ADGRV1: variants seen among roughly 807,000 people sequenced by gnomAD.
The protein encoded by ADGRV1 is G-protein coupled receptor 98.
Under a neutral mutation model 596.2 loss-of-function variants are expected in ADGRV1, and 359 were observed. That is an observed-to-expected ratio of 0.60 (90% CI 0.55 to 0.66). The LOEUF (loss-of-function observed/expected upper bound fraction) is 0.66, where lower values mean the gene tolerates loss of function less well. ADGRV1 is among the 30% of genes least tolerant of loss of function. The probability of loss-of-function intolerance (pLI) is 0.00; values close to 1 mark genes in which losing one functional copy is unlikely to be tolerated. For missense variants in ADGRV1, 7,274 were observed against 7,575.6 expected, an observed-to-expected ratio of 0.96 and a Z score of 1.48; for synonymous variants, 2,681 against 2,679.2, an observed-to-expected ratio of 1.00 and a Z score of -0.02.
intron 86 of ADGRV1, among the ~76,000 whole-genome samples, chr5:91,101,813 G>C (rs983547622): frequency 1.3e-5 from 2 of 151,826 alleles, no homozygotes; most frequent in Admixed American, 1.3e-4. Flanking sequence ...ACGCACACAC[G>C]CACGATGTTA....
chr5:90,706,189 A>G (rs755528346), intron 37 of ADGRV1, 42 bp from the exon 38 acceptor site: 2 of 1,561,450 alleles, frequency 1.3e-6, no homozygotes, highest in South Asian at 2.4e-5. Flanking sequence ...TATTGTAAAC[A>G]TTTAGATAAT....
chr5:90,773,308 G>A (rs114516413), intron 59 of ADGRV1, among the ~76,000 whole-genome samples: 7 of 152,030 alleles, frequency 4.6e-5, no homozygotes, highest in East Asian at 1.9e-4. Context: ...AAGGGAGATC[G>A]AAATGGGCTA....
chr5:90,591,402 A>T lies in ADGRV1; in HGVS notation c.23-23433A>T, dbSNP rs188539309. On this transcript the variant is annotated intron_variant, in intron 1 of 89. Coordinates refer to ENST00000405460, the MANE Select transcript of ADGRV1 (RefSeq NM_032119.4). Reference sequence around the variant, plus strand: ...CACAGCAAGACTCTGTCTCAAAAAAAATATATATATATATTCATATTTTTC... The same window carrying T: ...CACAGCAAGACTCTGTCTCAAAAAATATATATATATATATTCATATTTTTC... Among the ~76,000 whole-genome samples the T allele has an allele frequency of 1.4e-3, 205 of 151,758 alleles. 2 individuals are homozygous for T. The highest frequency in any genetic ancestry group is 9.0e-3 in the South Asian group (43 of 4,788).
rs557293259 is a variant in ADGRV1 at position 91,105,923 on chromosome 5, A to G, written c.18432+3583A>G. The stretch of plus-strand genomic sequence containing the variant: ...TTTAGATTTTTATAATTTTATAAAT[A>G]GATTCTTATTATATTTATAAACCTT... On this transcript the variant is annotated intron_variant, in intron 87 of 89. Coordinates refer to ENST00000405460, the MANE Select transcript of ADGRV1 (RefSeq NM_032119.4). Among the ~76,000 whole-genome samples, 11 of 151,104 alleles carry G rather than the reference A, an allele frequency of 7.3e-5. No homozygotes were observed. The East Asian group carries it at 1.9e-3, about 27-fold the overall frequency.
At chr5:90,728,601 T>G in intron 48 of ADGRV1, 68 bp from the exon 49 acceptor site, 3 of 1,246,370 alleles carry the variant, frequency 2.4e-6, no homozygotes, top group Non-Finnish European at 3.4e-6. Flanking sequence ...ACATATGGTA[T>G]TGATTACATT....
intron 40 of ADGRV1, 21 bp downstream of exon 40, chr5:90,711,080 G>T (rs2149716006): frequency 6.3e-7 from 1 of 1,591,002 alleles, no homozygotes. Flanking sequence ...GGCTGCATGA[G>T]AGCCCTCTTC....
Position 90,703,751 on chromosome 5 carries a change from G to C in ADGRV1, c.8242G>C (p.Glu2748Gln). 1 of 1,604,640 alleles carries C rather than the reference G, an allele frequency of 6.2e-7. No homozygotes were observed. Among genetic ancestry groups the C allele is most frequent in the Middle Eastern group, 1.7e-4 (1 of 6,038 alleles). Residue 2748 changes from glutamate (E) to glutamine (Q), a missense_variant, in exon 35 of 90, where the codon GAA (glutamate) becomes CAA (glutamine). By Grantham distance (29) the Glu-to-Gln change is conservative (BLOSUM62 2). Coordinates refer to ENST00000405460, the MANE Select transcript of ADGRV1 (RefSeq NM_032119.4). ...CTGGAAAATTATTGGGCAAAATCTA[G>C]AACTCAATTTTGCTAACTTTAGCGG... is the stretch of plus-strand genomic sequence containing the variant. The part of the protein sequence containing the change: ...VNWKIIGQNL[E>Q]LNFANFSGQL...
intron 74 of ADGRV1, among the ~76,000 whole-genome samples, chr5:90,813,738 C>T (rs933466848): frequency 6.6e-6 from 1 of 152,146 alleles, no homozygotes; most frequent in African/African-American, 2.4e-5. Flanking sequence ...TCATCTTTTC[C>T]CTACCTGACA....
At chr5:90,585,632 G>T (rs1004347356) in intron 1 of ADGRV1, among the ~76,000 whole-genome samples, 3 of 152,184 alleles carry the variant, frequency 2.0e-5, no homozygotes, top group South Asian at 4.1e-4. Context: ...GGGAAGGGGA[G>T]CCCAGGAGTA....
chr5:90,904,250 T>G (rs1326649972), intron 83 of ADGRV1, among the ~76,000 whole-genome samples: 1 of 152,154 alleles, frequency 6.6e-6, no homozygotes, highest in Non-Finnish European at 1.5e-5. Context: ...TTCAGTATCC[T>G]GATTTCCTTT....
At chr5:91,107,527 T>A (rs1217241731) in intron 87 of ADGRV1, among the ~76,000 whole-genome samples, 3 of 152,136 alleles carry the variant, frequency 2.0e-5, no homozygotes, top group African/African-American at 7.2e-5. Context: ...GCTGAAAGTG[T>A]GGAATGTTGG....
intron 85 of ADGRV1, among the ~76,000 whole-genome samples, chr5:90,989,470 G>C (rs1038767282): frequency 6.6e-6 from 1 of 152,064 alleles, no homozygotes; most frequent in Non-Finnish European, 1.5e-5. Flanking sequence ...CTAAATGTTT[G>C]TTTTCCTAAT....
intron 87 of ADGRV1, among the ~76,000 whole-genome samples, chr5:91,119,062 C>T (rs1158446851): frequency 6.6e-6 from 1 of 152,164 alleles, no homozygotes; most frequent in African/African-American, 2.4e-5. Context: ...ATGACTTGTT[C>T]TCTGAGAGAG....
intron 85 of ADGRV1, among the ~76,000 whole-genome samples, chr5:91,020,988 C>T (rs1181935616): frequency 6.6e-6 from 1 of 151,972 alleles, no homozygotes; most frequent in Non-Finnish European, 1.5e-5. Flanking sequence ...TATTCATTCC[C>T]AGTTTGCTAA....
intron 85 of ADGRV1, among the ~76,000 whole-genome samples, chr5:91,003,190 C>T (rs1286356711): frequency 6.6e-6 from 1 of 152,138 alleles, no homozygotes; most frequent in African/African-American, 2.4e-5. Flanking sequence ...AAAGGTGGTA[C>T]TCAGTCCCAA....
intron 83 of ADGRV1, among the ~76,000 whole-genome samples, chr5:90,881,830 G>C (rs187598872): frequency 2.6e-5 from 4 of 152,038 alleles, no homozygotes; most frequent in African/African-American, 9.7e-5. Flanking sequence ...GCAGTCAAGC[G>C]ATCCTCCTGC....
chr5:90,565,237 CA>C (rs968051942), intron 1 of ADGRV1, among the ~76,000 whole-genome samples: 5 of 151,262 alleles, frequency 3.3e-5, no homozygotes, highest in East Asian at 3.9e-4. Flanking sequence ...AACTCCATCT[CA>C]AAAAAAAAGT....
chr5:90,839,064 A>G (rs1765209626), intron 77 of ADGRV1, among the ~76,000 whole-genome samples: 1 of 152,218 alleles, frequency 6.6e-6, no homozygotes, highest in Admixed American at 6.5e-5. Flanking sequence ...AATATACACA[A>G]TAGCCAGAAC....
intron 70 of ADGRV1, among the ~76,000 whole-genome samples, chr5:90,798,480 C>T (rs542753376): frequency 4.7e-4 from 72 of 152,204 alleles, no homozygotes; most frequent in African/African-American, 1.7e-3. Context: ...GATACACCGC[C>T]GAATTCTACC....
Sources: gnomAD v4.1 joint callset for allele counts (sites outside exome capture counted in the v4.1 genomes callset) on GRCh38, gnomAD v4.1.1 for gene constraint, MANE v1.5 for transcripts, NCBI Gene and HGNC (gene_info 2026-07-23, HGNC 2026-07-21) for gene names.